CTNNA3: variants seen among roughly 807,000 people sequenced by gnomAD.
The protein encoded by CTNNA3 is catenin alpha-3.
A neutral mutation model predicts 95.7 loss-of-function variants in CTNNA3; 76 were observed. That is an observed-to-expected ratio of 0.79 (90% CI 0.66 to 0.96). The LOEUF is 0.96. CTNNA3 is among the 40% of genes least tolerant of loss of function. The pLI is 0.00. For missense variants in CTNNA3, 1,191 were observed against 1,089.8 expected (o/e 1.09, Z -1.31); for synonymous variants, 431 against 374.4 (o/e 1.15, Z -1.74).
At chr10:67,186,221 ATC>A (rs1862841682) in intron 6 of CTNNA3, among the ~76,000 whole-genome samples, 1 of 152,148 alleles carries the variant, frequency 6.6e-6, no homozygotes, top group South Asian at 2.1e-4. Flanking sequence ...TACATTTCAA[ATC>A]TGTTTGCTGT....
intron 15 of CTNNA3, among the ~76,000 whole-genome samples, chr10:66,013,195 C>T (rs987925469): frequency 6.6e-6 from 1 of 152,238 alleles, no homozygotes; most frequent in African/African-American, 2.4e-5. Flanking sequence ...GCCACCGTGC[C>T]TGGCCTCAAT....
chr10:67,501,490 C>T (rs1418782447), intron 5 of CTNNA3, among the ~76,000 whole-genome samples: 1 of 152,140 alleles, frequency 6.6e-6, no homozygotes. Context: ...TCTGTATATC[C>T]TGAATTTGAA....
chr10:67,098,843 C>A (rs1858165100), intron 7 of CTNNA3: 1 of 151,804 alleles, frequency 6.6e-6, no homozygotes, highest in South Asian at 2.1e-4. Context: ...CTAAAAGTAA[C>A]CATCAGTCAG....
chr10:66,690,183 A>G (rs566703639), intron 9 of CTNNA3, among the ~76,000 whole-genome samples: 1 of 152,282 alleles, frequency 6.6e-6, no homozygotes, highest in East Asian at 1.9e-4. Flanking sequence ...TATATGTTGA[A>G]TGAAGGTTCA....
At chr10:67,604,118 G>C (rs779069832) in intron 3 of CTNNA3, among the ~76,000 whole-genome samples, 1 of 152,186 alleles carries the variant, frequency 6.6e-6, no homozygotes, top group East Asian at 1.9e-4. Context: ...GTGTGTTGTA[G>C]ACTATGCCAT....
chr10:66,541,580 A>T (rs1841852939), intron 10 of CTNNA3, among the ~76,000 whole-genome samples: 1 of 152,132 alleles, frequency 6.6e-6, no homozygotes. Flanking sequence ...AAAATGTTCT[A>T]CAGAAATCAT....
intron 9 of CTNNA3, among the ~76,000 whole-genome samples, chr10:66,660,515 T>C (rs753675704): frequency 1.3e-5 from 2 of 152,166 alleles, no homozygotes; most frequent in East Asian, 3.9e-4. Flanking sequence ...CTTGCAAAAA[T>C]CAGTGACCAA....
At chr10:66,725,544 A>AAG (rs1848754976) in intron 9 of CTNNA3, among the ~76,000 whole-genome samples, 2 of 152,142 alleles carry the variant, frequency 1.3e-5, no homozygotes, top group African/African-American at 4.8e-5. Context: ...GTAGAGCTTT[A>AAG]ATGCCCTCTG....
At chr10:66,936,584 T>A (rs1391557914) in intron 7 of CTNNA3, among the ~76,000 whole-genome samples, 2 of 152,152 alleles carry the variant, frequency 1.3e-5, no homozygotes, top group Non-Finnish European at 2.9e-5. Context: ...CAAATGTTGA[T>A]CCTGTCAGAA....
chr10:66,976,032 TA>T (rs1589528542), intron 7 of CTNNA3, among the ~76,000 whole-genome samples: 1 of 152,280 alleles, frequency 6.6e-6, no homozygotes, highest in East Asian at 1.9e-4. Flanking sequence ...TTTCCCTGTA[TA>T]AAAGGCCCAA....
chr10:65,951,497 T>C (rs1438675633), intron 17 of CTNNA3, among the ~76,000 whole-genome samples: 1 of 152,082 alleles, frequency 6.6e-6, no homozygotes, highest in African/African-American at 2.4e-5. Context: ...CCAGAATCAT[T>C]AAATCATCAC....
chr10:66,044,747 T>G (rs1397211039), intron 15 of CTNNA3, among the ~76,000 whole-genome samples: 1 of 152,230 alleles, frequency 6.6e-6, no homozygotes, highest in East Asian at 1.9e-4. Context: ...GCTATGGTTT[T>G]TCTCCTGTCT....
Position 67,084,271 on chromosome 10 carries a change from G to T in CTNNA3, c.1047+96046C>A, listed in dbSNP as rs149453180. 2.3e-3 allele frequency among the ~76,000 whole-genome samples: 347 copies of T among 152,134 alleles called. 2 individuals carry two copies. Among genetic ancestry groups the T allele is most frequent in the African/African-American group, 7.6e-3 (316 of 41,548 alleles). On this transcript the variant is annotated intron_variant, in intron 7 of 17. Transcript: ENST00000433211. ...GTTGGCAAAAATCTACACCTGGAGT[G>T]AGAATTCCACAAATACTTACAGAGA...
intron 11 of CTNNA3, among the ~76,000 whole-genome samples, chr10:66,407,442 T>G (rs1406085725): frequency 6.6e-6 from 1 of 152,144 alleles, no homozygotes; most frequent in Non-Finnish European, 1.5e-5. Context: ...AATAATAATT[T>G]AAAAACTCTG....
Position 66,350,271 on chromosome 10 carries a change from A to G in CTNNA3, c.1732+28881T>C, listed in dbSNP as rs536763253. Among the ~76,000 whole-genome samples, 231 of 152,230 alleles carry G rather than the reference A, an allele frequency of 1.5e-3. 2 individuals carry two copies. The highest frequency in any genetic ancestry group is 6.8e-3 in the Middle Eastern group (2 of 294). On this transcript the variant is annotated intron_variant, in intron 12 of 17. Coordinates refer to ENST00000433211, the MANE Select transcript of CTNNA3 (RefSeq NM_013266.4). Reference sequence around the variant, plus strand: ...GACTATACATGGAAGCAAGAATCTTAGAGGAAGCATTCAGGACAGAGAAGG... The same window carrying G: ...GACTATACATGGAAGCAAGAATCTTGGAGGAAGCATTCAGGACAGAGAAGG...
In CTNNA3 at chr10:66,693,634, T is replaced by C. The variant is rs550711281; in HGVS notation, c.1282-71850A>G. On this transcript the variant is annotated intron_variant, in intron 9 of 17. Coordinates refer to ENST00000433211, the MANE Select transcript of CTNNA3 (RefSeq NM_013266.4). ...ACCTAATAGACATCTACAGAACTCT[T>C]CACCCCAAATCAACAGAATATACAT... is the stretch of plus-strand genomic sequence containing the variant. Among the ~76,000 whole-genome samples the C allele has an allele frequency of 6.4e-3, 976 of 151,984 alleles. 11 individuals carry two copies. Among genetic ancestry groups the C allele is most frequent in the African/African-American group, 0.017 (722 of 41,410 alleles).
At chr10:65,977,925 A>G (rs1490752074) in intron 16 of CTNNA3, among the ~76,000 whole-genome samples, 1 of 152,222 alleles carries the variant, frequency 6.6e-6, no homozygotes, top group Non-Finnish European at 1.5e-5. Context: ...AGGAATTTAA[A>G]GCGATCAGTG....
At chr10:66,958,227 A>T (rs554890344) in intron 7 of CTNNA3, among the ~76,000 whole-genome samples, 11 of 149,120 alleles carry the variant, frequency 7.4e-5, no homozygotes, top group African/African-American at 2.5e-4. Context: ...CAACTGATTT[A>T]TTTGAAACAG....
chr10:66,850,833 A>G (rs891733810), intron 7 of CTNNA3, among the ~76,000 whole-genome samples: 2 of 152,176 alleles, frequency 1.3e-5, no homozygotes, highest in African/African-American at 2.4e-5. Context: ...CTCTGAATCC[A>G]ACAGTTCTAT....
Sources: gnomAD v4.1 joint callset for allele counts (sites outside exome capture counted in the v4.1 genomes callset) on GRCh38, gnomAD v4.1.1 for gene constraint, MANE v1.5 for transcripts, NCBI Gene and HGNC (gene_info 2026-07-23, HGNC 2026-07-21) for gene names.